Variants in CBFA2T3 observed in about 807,000 individuals in gnomAD.
CBFA2T3 encodes CBFA2/RUNX1 partner transcriptional co-repressor 3, also known as transcriptional corepressor CBFA2T3.
A neutral mutation model predicts 58.6 loss-of-function variants in CBFA2T3; 31 were observed. The observed-to-expected ratio is 0.53, with a 90% CI of 0.40 to 0.71. The LOEUF is 0.71. Among genes scored for constraint, CBFA2T3 ranks in the 30% least tolerant of loss-of-function variants. The pLI is 0.00. For synonymous variants in CBFA2T3, 531 were observed against 421.9 expected, an observed-to-expected ratio of 1.26 and a Z score of -3.17; for missense variants, 1,076 against 963.1, an observed-to-expected ratio of 1.12 and a Z score of -1.55.
At chr16:88,976,575 G>T in intron 1 of CBFA2T3, 82 bp downstream of exon 1, 1 of 1,087,098 alleles carries the variant, frequency 9.2e-7, no homozygotes, top group Non-Finnish European at 1.3e-6. Flanking sequence ...GGCAGGCCCC[G>T]CGAAGCTCTA....
rs1017976032 is a variant in CBFA2T3, at chr16:88,901,305, G to A, written c.304+199C>T. 4.6e-5 allele frequency among the ~76,000 whole-genome samples: 7 copies of A among 152,352 alleles called. No homozygotes were observed. The East Asian group carries it at 1.4e-3, about 29-fold the overall frequency. On this transcript the variant is annotated intron_variant, in intron 2 of 11. Transcript: ENST00000268679. ...CAGGCCCCCCGGAGGGCAAGGACAT[G>A]ACCCGGAGCTACCCAGTGGGAAGCA...
At chr16:88,955,005 T>C (rs1437596796) in intron 1 of CBFA2T3, among the ~76,000 whole-genome samples, 18 of 42,112 alleles carry the variant, frequency 4.3e-4, no homozygotes, top group African/African-American at 1.7e-3. Context: ...GCTCCTGACC[T>C]CAGCCAAGGC....
chr16:88,940,638 TC>T (rs1184611038), intron 1 of CBFA2T3, among the ~76,000 whole-genome samples: 1 of 151,656 alleles, frequency 6.6e-6, no homozygotes, highest in Non-Finnish European at 1.5e-5. Flanking sequence ...TGGACCCCCC[TC>T]CCCAGACCGG....
At chr16:88,927,952 C>G (rs1041555204) in intron 1 of CBFA2T3, among the ~76,000 whole-genome samples, 1 of 152,208 alleles carries the variant, frequency 6.6e-6, no homozygotes, top group Non-Finnish European at 1.5e-5. Flanking sequence ...GTGGGGCGTC[C>G]TCTGAAGTGG....
intron 1 of CBFA2T3, among the ~76,000 whole-genome samples, chr16:88,934,327 C>G (rs568037511): frequency 1.6e-4 from 25 of 152,374 alleles, no homozygotes; most frequent in Non-Finnish European, 2.6e-4. Flanking sequence ...AGGGGAGGCT[C>G]CATGCACGTT....
chr16:88,936,568 C>T (rs1206655224), intron 1 of CBFA2T3, among the ~76,000 whole-genome samples: 2 of 152,140 alleles, frequency 1.3e-5, no homozygotes, highest in African/African-American at 4.8e-5. Flanking sequence ...GCTGCCCAGA[C>T]CCGACGGGGC....
intron 1 of CBFA2T3, among the ~76,000 whole-genome samples, chr16:88,921,468 T>G (rs1970917391): frequency 6.6e-6 from 1 of 152,128 alleles, no homozygotes; most frequent in African/African-American, 2.4e-5. Flanking sequence ...AGCCGGGATT[T>G]CCCGATCCAG....
intron 1 of CBFA2T3, among the ~76,000 whole-genome samples, chr16:88,924,462 G>A (rs929413067): frequency 3.3e-5 from 5 of 152,184 alleles, no homozygotes; most frequent in Non-Finnish European, 7.4e-5. Flanking sequence ...TGGCTGGGAT[G>A]GCCTTGGAGA....
intron 1 of CBFA2T3, among the ~76,000 whole-genome samples, chr16:88,934,931 G>A (rs947081126): frequency 6.6e-6 from 1 of 152,134 alleles, no homozygotes; most frequent in East Asian, 1.9e-4. Context: ...TAGTAGAGAC[G>A]GGGTTTCACC....
intron 1 of CBFA2T3, among the ~76,000 whole-genome samples, chr16:88,968,008 CCTT>C (rs747098362): frequency 8.5e-5 from 13 of 152,262 alleles, no homozygotes; most frequent in Non-Finnish European, 1.3e-4. Context: ...CTTTCTGCAT[CCTT>C]CTTTTCGCAC....
chr16:88,927,927 G>C (rs1271085802), intron 1 of CBFA2T3, among the ~76,000 whole-genome samples: 11 of 152,240 alleles, frequency 7.2e-5, no homozygotes, highest in African/African-American at 2.4e-4. Flanking sequence ...GCTGACACGG[G>C]CAACCCTGCC....
chr16:88,972,041 C>T (rs1224037775), intron 1 of CBFA2T3, among the ~76,000 whole-genome samples: 1 of 152,208 alleles, frequency 6.6e-6, no homozygotes, highest in Admixed American at 6.5e-5. Context: ...CCGGATTGCA[C>T]CCTGACCCTA....
At position 88,877,788 on chromosome 16, in the gene CBFA2T3, G is replaced by A. The variant is rs192627045; in HGVS notation, c.1663-513C>T. 5.3e-5 allele frequency among the ~76,000 whole-genome samples: 8 copies of A among 152,304 alleles called. No individual in the cohort carries two copies. In the East Asian group the frequency reaches 5.8e-4, roughly 11 times the overall value. On this transcript the variant is annotated intron_variant, in intron 11 of 11. Coordinates refer to ENST00000268679, the MANE Select transcript of CBFA2T3 (RefSeq NM_005187.6). ...TGCCCTAGGCATCCCTGTGGGCAGAGGGGGTGGGGGATGCCACAAAAAGCC... is the reference window on the plus strand; with the variant it reads ...TGCCCTAGGCATCCCTGTGGGCAGAAGGGGTGGGGGATGCCACAAAAAGCC...
intron 1 of CBFA2T3, among the ~76,000 whole-genome samples, chr16:88,955,899 C>T (rs911746668): frequency 1.4e-5 from 2 of 148,110 alleles, no homozygotes; most frequent in Non-Finnish European, 3.0e-5. Context: ...CTCCTGACCC[C>T]GCCCAAGGCT....
chr16:88,975,123 C>CATGTCAAAGGGCCACCCTGACCCT (rs1972771550), intron 1 of CBFA2T3, among the ~76,000 whole-genome samples: 1 of 113,428 alleles, frequency 8.8e-6, no homozygotes, highest in Non-Finnish European at 2.0e-5. Context: ...CCACCCTGGC[C>CATGTCAAAGGGCCACCCTGACCCT]CTCTGCTCCT....
At position 88,892,415 on chromosome 16, in the gene CBFA2T3, A is replaced by G. The variant is rs993259013; in HGVS notation, c.450T>C (p.Asn150=). Residue 150 remains asparagine (N), a synonymous_variant, in exon 4 of 12, where the codon AAT becomes AAC. Coordinates refer to ENST00000268679, the MANE Select transcript of CBFA2T3 (RefSeq NM_005187.6). ...GAPCTPNGFS[N]GPATSSTASL... Reference sequence around the variant, plus strand: ...AGGCTGTGGACGAGGTGGCCGGGCCATTGCTGAAGCCGTTGGGTGTGCACG... The same window carrying G: ...AGGCTGTGGACGAGGTGGCCGGGCCGTTGCTGAAGCCGTTGGGTGTGCACG... 1.5e-5 allele frequency: 24 copies of G among 1,613,458 alleles called. No homozygotes were observed. The African/African-American group carries it at 2.4e-4, about 16-fold the overall frequency.
chr16:88,968,369 A>G (rs1254283795), intron 1 of CBFA2T3, among the ~76,000 whole-genome samples: 1 of 152,122 alleles, frequency 6.6e-6, no homozygotes, highest in Non-Finnish European at 1.5e-5. Context: ...CCAGGTGGGG[A>G]CGGCCCCTTG....
rs199828597 is a variant in CBFA2T3 at position 88,976,619 on chromosome 16, C to T, written c.151+38G>A. 4.1e-6 allele frequency: 6 copies of T among 1,480,918 alleles called. No individual in the cohort carries two copies. In the East Asian group the frequency reaches 1.0e-4, roughly 25 times the overall value. 91.7% of individuals were successfully genotyped at this position (1,480,918 alleles called of 1,614,324 possible). A position where few individuals can be genotyped will look rare whatever the true frequency, so the allele number is the denominator to read the frequency against. Reference sequence around the variant, plus strand: ...CAGCCCCGGCACCGGCTGCCGCTCTCTGCCCCCACCCCACCACCTTCCCCT... The same window carrying T: ...CAGCCCCGGCACCGGCTGCCGCTCTTTGCCCCCACCCCACCACCTTCCCCT... On this transcript the variant is annotated intron_variant, in intron 1 of 11. Coordinates refer to ENST00000268679, the MANE Select transcript of CBFA2T3 (RefSeq NM_005187.6).
chr16:88,961,579 G>A (rs914033781), intron 1 of CBFA2T3, among the ~76,000 whole-genome samples: 1 of 130,876 alleles, frequency 7.6e-6, no homozygotes, highest in African/African-American at 3.0e-5. Context: ...CCGACACTCA[G>A]CACTGGGCAT....
Sources: gnomAD v4.1 joint callset for allele counts (sites outside exome capture counted in the v4.1 genomes callset) on GRCh38, gnomAD v4.1.1 for gene constraint, MANE v1.5 for transcripts, NCBI Gene and HGNC (gene_info 2026-07-23, HGNC 2026-07-21) for gene names.